TBPL2: variants seen among roughly 807,000 people sequenced by gnomAD.
TBPL2 encodes TATA-box binding protein like 2, also known as TATA box-binding protein-like 2.
TBPL2 carries 40 observed loss-of-function variants against 38.2 expected under a neutral mutation model. The ratio of observed to expected loss-of-function variants is 1.05; its 90% CI spans 0.81 to 1.36. The LOEUF is 1.36. TBPL2 is among the 40% of genes most tolerant of loss of function. TBPL2 has a pLI of 0.00. For missense variants in TBPL2, 461 were observed against 456.7 expected, an observed-to-expected ratio of 1.01 and a Z score of -0.09; for synonymous variants, 169 against 171.7, an observed-to-expected ratio of 0.98 and a Z score of 0.12.
intron 6 of TBPL2, among the ~76,000 whole-genome samples, chr14:55,415,878 T>A (rs1278899681): frequency 6.6e-6 from 1 of 151,590 alleles, no homozygotes; most frequent in African/African-American, 2.4e-5. Context: ...AATAAAAAAA[T>A]GTATGGTGTG....
chr14:55,424,396 G>C, intron 5 of TBPL2, 143 bp from the exon 6 acceptor site: 1 of 562,090 alleles, frequency 1.8e-6, no homozygotes, highest in Non-Finnish European at 3.2e-6. Context: ...TAACTATCTT[G>C]ATGAAGAGTC....
chr14:55,414,339 A>T, exon 7 of TBPL2: 1 of 1,447,248 alleles, frequency 6.9e-7, no homozygotes, highest in South Asian at 1.2e-5. Flanking sequence ...GCTTATGGAC[A>T]TATTCAAACC....
intron 6 of TBPL2, among the ~76,000 whole-genome samples, chr14:55,418,336 C>G (rs8014526): frequency 0.4 from 61,118 of 152,048 alleles, 14,238 homozygotes; most frequent in East Asian, 0.59. Context: ...CATCCCTACC[C>G]CTTAGTCAGC....
At chr14:55,429,766 C>CAAAAAAAAAAAAAAAAAAAAAA (rs71131266) in intron 4 of TBPL2, among the ~76,000 whole-genome samples, 19 of 52,350 alleles carry the variant, frequency 3.6e-4, no homozygotes, top group East Asian at 5.7e-4. Flanking sequence ...AACTCCGTCT[C>CAAAAAAAAAAAAAAAAAAAAAA]AAAAAAAAAA....
chr14:55,414,558 C>T (rs1890256), intron 6 of TBPL2, 103 bp from the exon 7 acceptor site: 199,173 of 804,748 alleles, frequency 0.25, 26,488 homozygotes, highest in South Asian at 0.27. Flanking sequence ...TTTAATATGA[C>T]ATCTCTTTAG....
At position 55,439,617 on chromosome 14, in the gene TBPL2, C is replaced by CCCCCCGCCCG. The variant is rs1555344743; in HGVS notation, c.150+778_150+779insCGGGCGGGGG. 4.1e-5 allele frequency among the ~76,000 whole-genome samples: 3 copies of CCCCCCGCCCG among 72,700 alleles called. 1 individual carries two copies. The highest frequency in any genetic ancestry group is 1.7e-4 in the Admixed American group (1 of 5,726). 47.7% of individuals were successfully genotyped at this position (72,700 alleles called of 152,430 possible). The stretch of plus-strand genomic sequence containing the variant: ...ACCAGCCTGGGGAGAAAAGCAAACC[C>CCCCCCGCCCG]CCCCCCGTCTCTACTAAAAAATACA... On this transcript the variant is annotated intron_variant, in intron 1 of 6. Coordinates refer to ENST00000247219, the Ensembl canonical transcript of TBPL2.
At chr14:55,438,048 A>G (rs117336240) in intron 1 of TBPL2, among the ~76,000 whole-genome samples, 2,110 of 152,296 alleles carry the variant, frequency 0.014, 61 homozygotes, top group Non-Finnish European at 0.012. Context: ...ATGGGAAAAA[A>G]TCGATTAGCT....
intron 6 of TBPL2, among the ~76,000 whole-genome samples, chr14:55,421,691 G>GGCCTCATGTGATCTGCTT (rs1185016202): frequency 6.6e-6 from 1 of 152,136 alleles, no homozygotes; most frequent in Non-Finnish European, 1.5e-5. Context: ...TTGAATTCCT[G>GGCCTCATGTGATCTGCTT]GCCTCATGTG....
intron 6 of TBPL2, among the ~76,000 whole-genome samples, chr14:55,415,196 AGC>A (rs1160905803): frequency 5.3e-5 from 8 of 152,260 alleles, no homozygotes; most frequent in Non-Finnish European, 1.2e-4. Context: ...ATGGAGCTTC[AGC>A]TAATCAGGAC....
At chr14:55,437,256 G>A (rs1886032009) in intron 1 of TBPL2, among the ~76,000 whole-genome samples, 1 of 152,232 alleles carries the variant, frequency 6.6e-6, no homozygotes, top group African/African-American at 2.4e-5. Context: ...GCAGGCGGAT[G>A]GCTGGAGGCT....
At chr14:55,414,366 C>G (rs1885637598) in exon 7 of TBPL2, 1 of 1,579,990 alleles carries the variant, frequency 6.3e-7, no homozygotes, top group African/African-American at 1.4e-5. Context: ...ATGTGAGATG[C>G]TGAATGATAT....
In TBPL2 at chr14:55,440,306, A is replaced by G. The variant is rs1437465786; in HGVS notation, c.150+90T>C. 8 of 1,489,164 alleles carry G rather than the reference A, an allele frequency of 5.4e-6. No individual in the cohort carries two copies. In the Admixed American group the frequency reaches 8.1e-5, roughly 15 times the overall value. The allele number at this position is 1,489,164 out of a possible 1,614,324, so 92.2% of individuals were successfully genotyped here. A position where few individuals can be genotyped will look rare whatever the true frequency, so the allele number is the denominator to read the frequency against. ...ACCAAGCCCGCCTCTTATGGTCGCT[A>G]TGAGTTTTAAGAGGAACGAAGGCAA... On this transcript the variant is annotated intron_variant, in intron 1 of 6. Transcript: ENST00000247219.
At chr14:55,414,964 CTG>C (rs1186245544) in intron 6 of TBPL2, among the ~76,000 whole-genome samples, 4 of 152,138 alleles carry the variant, frequency 2.6e-5, no homozygotes, top group Non-Finnish European at 5.9e-5. Flanking sequence ...GAGGGGAAAA[CTG>C]TACTACTGTC....
At chr14:55,419,270 G>T (rs1248487623) in intron 6 of TBPL2, among the ~76,000 whole-genome samples, 1 of 152,218 alleles carries the variant, frequency 6.6e-6, no homozygotes, top group East Asian at 1.9e-4. Flanking sequence ...CCATTTTACA[G>T]GTGAGGAAAC....
intron 4 of TBPL2, 83 bp downstream of exon 4, chr14:55,433,547 G>T: frequency 7.4e-7 from 1 of 1,343,354 alleles, no homozygotes; most frequent in East Asian, 2.3e-5. Flanking sequence ...TCTACTATGT[G>T]CTTTAGCACA....
In TBPL2 at chr14:55,422,974, T is replaced by TA. The variant is rs1555343903; in HGVS notation, c.1051+1184_1051+1185insT. On this transcript the variant is annotated intron_variant, in intron 6 of 6. Coordinates refer to ENST00000247219, the Ensembl canonical transcript of TBPL2. Reference sequence around the variant, plus strand: ...AAAGTGCTATTTATGCAAAAATTATTTAAAAAAAAGCCAACAGGAAAAAAT... The same window carrying TA: ...AAAGTGCTATTTATGCAAAAATTATTATAAAAAAAAGCCAACAGGAAAAAAT... Among the ~76,000 whole-genome samples, 325 of 151,000 alleles carry TA rather than the reference T, an allele frequency of 2.2e-3. 5 individuals are homozygous for TA. The highest frequency in any genetic ancestry group is 6.4e-3 in the African/African-American group (263 of 41,136).
chr14:55,429,047 T>C, intron 4 of TBPL2, 73 bp from the exon 5 acceptor site: 1 of 1,538,778 alleles, frequency 6.5e-7, no homozygotes, highest in South Asian at 1.2e-5. Flanking sequence ...TGTATTGGAT[T>C]GTTACCATTT....
chr14:55,417,962 TCTTA>T (rs1472070326), intron 6 of TBPL2, among the ~76,000 whole-genome samples: 1 of 152,222 alleles, frequency 6.6e-6, no homozygotes, highest in Non-Finnish European at 1.5e-5. Context: ...CTTTCAGTTT[TCTTA>T]CTTGTAAAAT....
At chr14:55,424,322 C>A in intron 5 of TBPL2, 69 bp from the exon 6 acceptor site, 1 of 995,250 alleles carries the variant, frequency 1.0e-6, no homozygotes, top group Non-Finnish European at 1.6e-6. Context: ...CATGTAAGGC[C>A]CAGTATATTA....
Sources: gnomAD v4.1 joint callset for allele counts (sites outside exome capture counted in the v4.1 genomes callset) on GRCh38, gnomAD v4.1.1 for gene constraint, MANE v1.5 for transcripts, NCBI Gene and HGNC (gene_info 2026-07-23, HGNC 2026-07-21) for gene names.